Variants in PDE4C observed in about 807,000 individuals in gnomAD.
PDE4C encodes phosphodiesterase 4C.
PDE4C carries 50 observed loss-of-function variants against 63.9 expected under a neutral mutation model. The ratio of observed to expected loss-of-function variants is 0.78; its 90% CI spans 0.62 to 0.99. The LOEUF (loss-of-function observed/expected upper bound fraction) is 0.99. PDE4C is among the 50% of genes least tolerant of loss of function. The pLI is 0.00. For synonymous variants in PDE4C, 377 were observed against 385.1 expected (o/e 0.98, Z 0.25); for missense variants, 777 against 899.1 (o/e 0.86, Z 1.74).
chr19:18,221,082 GC>G, intron 4 of PDE4C, 22 bp downstream of exon 4: 1 of 844,314 alleles, frequency 1.2e-6, no homozygotes, highest in Non-Finnish European at 1.6e-6. Flanking sequence ...CCCCGCCCCC[GC>G]CCCGCCCCGC....
In PDE4C at chr19:18,218,264, G is replaced by T. The variant is rs1321221650; in HGVS notation, c.1135-16C>A. 6.2e-7 allele frequency: 1 copy of T among 1,614,010 alleles called. No homozygotes were observed. Among genetic ancestry groups the T allele is most frequent in the Non-Finnish European group, 8.5e-7 (1 of 1,179,814 alleles). On this transcript the variant is annotated splice_polypyrimidine_tract_variant and intron_variant, in intron 10 of 14. Transcript: ENST00000262805. ...TGAACACAGCCTGAGCAGGCAGAGG[G>T]CACAGGCGGTGAGGGGCGGGTTCTC...
upstream of PDE4C, chr19:18,233,817 C>G (rs1322903111): frequency 3.4e-6 from 1 of 292,768 alleles, no homozygotes; most frequent in Admixed American, 4.8e-5. Flanking sequence ...GTGACGGGCC[C>G]TCAACCTTCC....
At position 18,233,238 on chromosome 19, in the gene PDE4C, C is replaced by G. The variant is rs762686629; in HGVS notation, c.-47G>C. The G allele has an allele frequency of 5.8e-6, 9 of 1,543,600 alleles. No individual in the cohort carries two copies. In the Admixed American group the frequency reaches 1.8e-4, roughly 30 times the overall value. ...GATAGCAGGGAGCAGGACTCGTCCC[C>G]GTGAGCGGGCGCCGAGGAGCGTCTG... On this transcript the variant is annotated 5_prime_UTR_variant, in exon 1 of 15. Coordinates refer to the PDE4C transcript ENST00000594465.
At chr19:18,248,010 A>G (rs1969160615) in intron 1 of PDE4C, among the ~76,000 whole-genome samples, 1 of 152,160 alleles carries the variant, frequency 6.6e-6, no homozygotes, top group Admixed American at 6.5e-5. Flanking sequence ...AGGACTGGCG[A>G]AACAAGGTCT....
At chr19:18,249,250 T>A (rs1439385927), upstream of PDE4C, among the ~76,000 whole-genome samples, 1 of 152,072 alleles carries the variant, frequency 6.6e-6, no homozygotes, top group East Asian at 1.9e-4. Flanking sequence ...ATTACAGTGG[T>A]AAGCCACCAT....
intron 14 of PDE4C, 96 bp from the exon 15 acceptor site, chr19:18,211,372 G>A: frequency 2.0e-6 from 2 of 1,005,568 alleles, no homozygotes; most frequent in East Asian, 5.2e-5. Flanking sequence ...TGTTCCCTCT[G>A]CCTGGAATGC....
intron 1 of PDE4C, among the ~76,000 whole-genome samples, chr19:18,240,662 A>C (rs1031218178): frequency 9.2e-5 from 14 of 152,140 alleles, no homozygotes; most frequent in African/African-American, 3.4e-4. Flanking sequence ...TGGGAGGCAG[A>C]GGTTGCAGTG....
At chr19:18,255,016 C>T in the PDE4C span, among the ~76,000 whole-genome samples, 1 of 152,206 alleles carries the variant, frequency 6.6e-6, no homozygotes, top group African/African-American at 2.4e-5. This position sits in a 1 kb window ranked among gnomAD's most constrained non-coding sequence, Gnocchi z 4.6. Context: ...GACCCACAGC[C>T]CCAGGGCTTG....
chr19:18,248,262 G>T (rs569899082), upstream of PDE4C: 376 of 455,586 alleles, frequency 8.3e-4, 8 homozygotes, highest in Admixed American at 8.7e-3. Flanking sequence ...GAGGCCCAGG[G>T]CTCCCTCAAC....
intron 11 of PDE4C, 85 bp downstream of exon 11, chr19:18,218,064 A>C (rs1600071151): frequency 1.4e-5 from 14 of 1,016,050 alleles, no homozygotes; most frequent in East Asian, 4.8e-5. Flanking sequence ...CTCAGGGCAG[A>C]TGGGAACCCC....
upstream of PDE4C, among the ~76,000 whole-genome samples, chr19:18,234,431 C>A (rs183040976): frequency 6.6e-6 from 1 of 152,120 alleles, no homozygotes; most frequent in African/African-American, 2.4e-5. Context: ...ACCCACCAGG[C>A]GTCTTAGTCT....
upstream of PDE4C, among the ~76,000 whole-genome samples, chr19:18,252,918 AT>A (rs1969248384): frequency 6.6e-6 from 1 of 151,976 alleles, no homozygotes; most frequent in African/African-American, 2.4e-5. Flanking sequence ...TTTCATTTTT[AT>A]TTTTAATTAA....
At chr19:18,247,928 C>A (rs931275757) in intron 1 of PDE4C, among the ~76,000 whole-genome samples, 73 of 152,172 alleles carry the variant, frequency 4.8e-4, no homozygotes, top group African/African-American at 1.8e-3. Flanking sequence ...GGTCCCCATC[C>A]AGGGACAGCA....
At chr19:18,236,754 TAAC>T (rs1476583130), upstream of PDE4C, 1 of 152,228 alleles carries the variant, frequency 6.6e-6, no homozygotes, top group Non-Finnish European at 1.5e-5. Context: ...CAGTGGGTGC[TAAC>T]TTAATAAATG....
chr19:18,221,138 G>A (rs745653185), exon 4 of PDE4C: 6 of 1,590,600 alleles, frequency 3.8e-6, no homozygotes, highest in Middle Eastern at 2.2e-4. Context: ...GCGGGCAAGG[G>A]CCGCCACGTT....
chr19:18,251,143 C>G (rs146695836), upstream of PDE4C, among the ~76,000 whole-genome samples: 1,750 of 148,038 alleles, frequency 0.012, 44 homozygotes, highest in African/African-American at 0.041. Context: ...TTTTCCCCCC[C>G]GAGATGGAGT....
chr19:18,251,292 T>A (rs140265794), upstream of PDE4C, among the ~76,000 whole-genome samples: 5,077 of 146,514 alleles, frequency 0.035, 304 homozygotes, highest in African/African-American at 0.12. Flanking sequence ...TGCCTGGCTA[T>A]TTTTTGTATT....
intron 13 of PDE4C, among the ~76,000 whole-genome samples, chr19:18,212,836 C>T (rs539053853): frequency 2.7e-5 from 4 of 150,942 alleles, no homozygotes; most frequent in East Asian, 4.0e-4. Context: ...TACAGGCGCC[C>T]GCCACCACAC....
At chr19:18,234,605 G>GGCCTC (rs1968919518), upstream of PDE4C, among the ~76,000 whole-genome samples, 1 of 152,142 alleles carries the variant, frequency 6.6e-6, no homozygotes, top group East Asian at 1.9e-4. Context: ...CCTCCTGTGG[G>GGCCTC]CTCTGGGCTT....
Sources: gnomAD v4.1 joint callset for allele counts (sites outside exome capture counted in the v4.1 genomes callset) on GRCh38, gnomAD v4.1.1 for gene constraint, Gnocchi (gnomAD v3.1) non-coding constraint, MANE v1.5 for transcripts, NCBI Gene and HGNC (gene_info 2026-07-23, HGNC 2026-07-21) for gene names.